Variants in CYP2B6 observed in about 807,000 individuals in gnomAD.
CYP2B6 encodes cytochrome P450 2B6.
Under a neutral mutation model 43.4 loss-of-function variants are expected in CYP2B6, and 35 were observed. That is an observed-to-expected ratio of 0.81 (90% CI 0.62 to 1.07). CYP2B6 has a LOEUF of 1.07. Among genes scored for constraint, CYP2B6 ranks in the 50% least tolerant of loss-of-function variants. The pLI is 0.00. For missense variants in CYP2B6, 624 were observed against 632.8 expected (o/e 0.99, Z 0.15); for synonymous variants, 239 against 239.2 (o/e 1.00, Z 0.01).
At chr19:41,002,383 G>T (rs140154941) in intron 1 of CYP2B6, among the ~76,000 whole-genome samples, 1 of 152,010 alleles carries the variant, frequency 6.6e-6, no homozygotes, top group South Asian at 2.1e-4. Flanking sequence ...TGTAAAAAGC[G>T]CACAGCTCAA....
intron 8 of CYP2B6, among the ~76,000 whole-genome samples, chr19:41,014,261 G>C (rs993569958): frequency 2.6e-5 from 4 of 151,760 alleles, no homozygotes; most frequent in Non-Finnish European, 5.9e-5. Flanking sequence ...TGTGGTGATG[G>C]CTTGAATGTC....
intron 3 of CYP2B6, among the ~76,000 whole-genome samples, chr19:41,006,527 T>C (rs191062537): frequency 1.3e-5 from 2 of 151,946 alleles, no homozygotes; most frequent in Admixed American, 1.3e-4. Flanking sequence ...GATTTAACTG[T>C]ACTCACTCCC....
Position 41,017,046 on chromosome 19 carries a change from AT to A in CYP2B6, c.*220del. On this transcript the variant is annotated 3_prime_UTR_variant, in exon 9 of 9. Coordinates refer to ENST00000324071, the MANE Select transcript of CYP2B6 (RefSeq NM_000767.5). ...AATATACAAAATCATATATATATAT[AT>A]GTTCTTGTTTTTTGAGACAGAGTCT... The A allele has an allele frequency of 2.5e-6, 1 of 401,566 alleles. No homozygotes were observed. 24.9% of individuals were successfully genotyped at this position (401,566 alleles called of 1,614,324 possible).
chr19:40,992,585 C>T (rs1468282397), intron 1 of CYP2B6, among the ~76,000 whole-genome samples: 1 of 151,998 alleles, frequency 6.6e-6, no homozygotes, highest in East Asian at 1.9e-4. Context: ...GTGGCATGAT[C>T]ACGTCTCACT....
chr19:40,992,859 A>G (rs547337854), intron 1 of CYP2B6, among the ~76,000 whole-genome samples: 1 of 152,164 alleles, frequency 6.6e-6, no homozygotes, highest in Admixed American at 6.5e-5. Flanking sequence ...GGAGACTGTT[A>G]TGATGGCTCT....
intron 1 of CYP2B6, among the ~76,000 whole-genome samples, chr19:40,993,090 A>G (rs1206118688): frequency 6.6e-6 from 1 of 152,200 alleles, no homozygotes. Flanking sequence ...CCAATTGGTC[A>G]TAGATTTTGT....
chr19:41,011,456 GT>G (rs1969283402), intron 6 of CYP2B6, among the ~76,000 whole-genome samples: 1 of 152,120 alleles, frequency 6.6e-6, no homozygotes, highest in Non-Finnish European at 1.5e-5. Context: ...TAATTGATAA[GT>G]AAATACAGAC....
In CYP2B6 at chr19:41,009,996, G is replaced by A. The variant is rs535281317; in HGVS notation, c.825G>A (p.Glu275=). The A allele has an allele frequency of 6.2e-7, 1 of 1,614,098 alleles. No individual in the cohort carries two copies. The highest frequency in any genetic ancestry group is 8.5e-7 in the Non-Finnish European group (1 of 1,180,014). The change falls in exon 6 of 9, where the codon GAG becomes GAA. Residue 275 remains glutamate, a splice_region_variant and synonymous_variant. Coordinates refer to ENST00000324071, the MANE Select transcript of CYP2B6 (RefSeq NM_000767.5). ...IDTYLLHMEK[E]KSNAHSEFSH... is the part of the protein sequence containing the mutation. ...TTCCTTCCCTACTGTGGACGCAGGA[G>A]AAATCCAACGCACACAGTGAATTCA...
rs756140285 is a variant in CYP2B6 at position 41,004,379 on chromosome 19, G to T, written c.417G>T (p.Lys139Asn). The T allele has an allele frequency of 6.2e-7, 1 of 1,614,056 alleles. No homozygotes were observed. Among genetic ancestry groups the T allele is most frequent in the Admixed American group, 1.7e-5 (1 of 60,006 alleles). The change falls in exon 3 of 9, where the codon AAG becomes AAT. Residue 139 changes from lysine (K) to asparagine (N), a missense_variant. Coordinates refer to ENST00000324071, the MANE Select transcript of CYP2B6 (RefSeq NM_000767.5). The part of the protein sequence containing the change: ...VTTMRDFGMG[K>N]RSVEERIQEE... ...CTATGAGGGACTTCGGGATGGGAAAGCGGAGTGTGGAGGAGCGGATTCAGG... is the reference window on the plus strand; with the variant it reads ...CTATGAGGGACTTCGGGATGGGAAATCGGAGTGTGGAGGAGCGGATTCAGG...
At position 41,016,547 on chromosome 19, in the gene CYP2B6, T is replaced by C. The variant is rs1235881729; in HGVS notation, c.1295-99T>C. The C allele has an allele frequency of 2.1e-5, 27 of 1,276,670 alleles. No homozygotes were observed. In the Admixed American group the frequency reaches 4.8e-4, roughly 23 times the overall value. The allele number at this position is 1,276,670 out of a possible 1,614,324, so 79.1% of individuals were successfully genotyped here. A position where few individuals can be genotyped will look rare whatever the true frequency, so the allele number is the denominator to read the frequency against. On this transcript the variant is annotated intron_variant, in intron 8 of 8. Transcript: ENST00000324071. ...AGGTTAAAGGCCAGTCTTATGCAAA[T>C]CTGTTGCAGTGGACATTTGTGTCTG...
At chr19:40,993,073 T>TCCAA (rs1968945601) in intron 1 of CYP2B6, among the ~76,000 whole-genome samples, 1 of 152,150 alleles carries the variant, frequency 6.6e-6, no homozygotes, top group South Asian at 2.1e-4. Context: ...TTCAATAGTA[T>TCCAA]TAGAGTCCAA....
At chr19:41,013,787 C>G (rs34899123) in intron 8 of CYP2B6, among the ~76,000 whole-genome samples, 1 of 152,294 alleles carries the variant, frequency 6.6e-6, no homozygotes, top group Admixed American at 6.5e-5. Context: ...AACAAAGAAA[C>G]AATTCATGAA....
chr19:40,992,855 T>A (rs1386837937), intron 1 of CYP2B6, among the ~76,000 whole-genome samples: 3 of 151,994 alleles, frequency 2.0e-5, no homozygotes, highest in Admixed American at 6.6e-5. Context: ...TCAGGGAGAC[T>A]GTTATGATGG....
chr19:41,012,025 T>G (rs1194459213), intron 6 of CYP2B6, among the ~76,000 whole-genome samples: 1 of 152,168 alleles, frequency 6.6e-6, no homozygotes, highest in Non-Finnish European at 1.5e-5. Context: ...CTCGGCTCAC[T>G]GCAACCTCCA....
rs558185524 is a variant in CYP2B6 at position 41,011,145 on chromosome 19, C to T, written c.964+1010C>T. ...TTCATTCATTCATTCATGCATTCATCCATCCTTCTACGAACTAGGTTTCAC... is the reference window on the plus strand; with the variant it reads ...TTCATTCATTCATTCATGCATTCATTCATCCTTCTACGAACTAGGTTTCAC... On this transcript the variant is annotated intron_variant, in intron 6 of 8. Transcript: ENST00000324071. 3.3e-5 allele frequency among the ~76,000 whole-genome samples: 5 copies of T among 152,266 alleles called. No individual in the cohort carries two copies. The East Asian group carries it at 7.7e-4, about 23-fold the overall frequency.
chr19:41,016,463 C>G (rs1969368536), intron 8 of CYP2B6, among the ~76,000 whole-genome samples, 183 bp from the exon 9 acceptor site: 1 of 144,828 alleles, frequency 6.9e-6, no homozygotes, highest in Admixed American at 6.8e-5. Flanking sequence ...CGTGGCACAT[C>G]CACTCAAAGA....
intron 8 of CYP2B6, among the ~76,000 whole-genome samples, chr19:41,015,974 G>A (rs564481540): frequency 5.4e-5 from 8 of 147,104 alleles, no homozygotes; most frequent in African/African-American, 1.8e-4. Flanking sequence ...TGTCATAAAT[G>A]TGCTCACACT....
chr19:41,001,155 G>A (rs1351971815), intron 1 of CYP2B6, among the ~76,000 whole-genome samples: 1 of 152,142 alleles, frequency 6.6e-6, no homozygotes, highest in Non-Finnish European at 1.5e-5. Context: ...CTGAGATCCA[G>A]CAGGAGGTCT....
intron 3 of CYP2B6, 102 bp downstream of exon 3, chr19:41,004,548 A>C (rs1969148179): frequency 7.3e-7 from 1 of 1,365,034 alleles, no homozygotes; most frequent in Admixed American, 2.0e-5. Flanking sequence ...GCACAGACAG[A>C]GACAGACGAA....
Sources: gnomAD v4.1 joint callset for allele counts (sites outside exome capture counted in the v4.1 genomes callset) on GRCh38, gnomAD v4.1.1 for gene constraint, MANE v1.5 for transcripts, NCBI Gene and HGNC (gene_info 2026-07-23, HGNC 2026-07-21) for gene names.